The following MBOAT1 variants were observed in gnomAD, a reference collection of about 807,000 sequenced individuals.
MBOAT1 encodes the protein membrane bound glycerophospholipid O-acyltransferase 1.
Under a neutral mutation model 64.4 loss-of-function variants are expected in MBOAT1, and 67 were observed. That is an observed-to-expected ratio of 1.04 (90% confidence interval 0.85 to 1.27). The LOEUF is 1.27. Among genes scored for constraint, MBOAT1 ranks in the 50% most tolerant of loss-of-function variants. The pLI is 0.00. For synonymous variants in MBOAT1, 229 were observed against 218.9 expected (o/e 1.05, Z -0.41); for missense variants, 563 against 604.6 (o/e 0.93, Z 0.72).
chr6:20,206,709 G>A (rs567617750), intron 1 of MBOAT1, among the ~76,000 whole-genome samples: 12 of 152,040 alleles, frequency 7.9e-5, no homozygotes, highest in South Asian at 4.2e-4. Flanking sequence ...CTTCTCCACC[G>A]CAACTCCCCA....
intron 1 of MBOAT1, among the ~76,000 whole-genome samples, chr6:20,198,536 G>A (rs1423708061): frequency 6.6e-6 from 1 of 152,176 alleles, no homozygotes; most frequent in Non-Finnish European, 1.5e-5. Flanking sequence ...CTACCATCTT[G>A]TGACTTTTCT....
chr6:20,144,101 T>C (rs561381184), intron 4 of MBOAT1, 119 bp downstream of exon 4: 2 of 676,456 alleles, frequency 3.0e-6, no homozygotes, highest in Non-Finnish European at 5.3e-6. Context: ...TAGCAGTGTC[T>C]TACCAACTGA....
chr6:20,129,606 G>A (rs1760758833), intron 5 of MBOAT1, among the ~76,000 whole-genome samples: 1 of 151,148 alleles, frequency 6.6e-6, no homozygotes, highest in Non-Finnish European at 1.5e-5. Flanking sequence ...TTTAAGGGAT[G>A]TTCCAGGAAA....
In MBOAT1 at chr6:20,112,892, G is replaced by A. The variant is rs780594212; in HGVS notation, c.1193C>T (p.Thr398Ile). The A allele has an allele frequency of 1.5e-5, 25 of 1,613,804 alleles. No individual in the cohort carries two copies. The highest frequency in any genetic ancestry group is 2.0e-5 in the Non-Finnish European group (24 of 1,179,870). Residue 398 changes from threonine (T) to isoleucine (I), a missense_variant, in exon 11 of 13, where the codon ACA becomes ATA. Physicochemically the swap from Thr to Ile is moderately conservative, Grantham distance 89. Coordinates refer to ENST00000324607, the MANE Select transcript of MBOAT1 (RefSeq NM_001080480.3). ...YFTFLTGILV[T>I]LAARAVRNNY... ...CACACTTACCGCTCTAGCTGCTAAT[G>A]TGACAAGAATTCCAGTTAAGAAGGT...
intron 1 of MBOAT1, among the ~76,000 whole-genome samples, chr6:20,174,421 C>T (rs1040012343): frequency 6.6e-6 from 1 of 152,184 alleles, no homozygotes. Context: ...CTATACTGAA[C>T]ACTGCAGGCA....
chr6:20,125,760 C>A (rs1024151039), intron 7 of MBOAT1: 5 of 323,212 alleles, frequency 1.5e-5, no homozygotes, highest in African/African-American at 8.8e-5. Context: ...AAAACTCATA[C>A]CTAATTAATA....
rs116787772 is a variant in MBOAT1 at position 20,134,467 on chromosome 6, T to G, written c.420-3268A>C. On this transcript the variant is annotated intron_variant, in intron 4 of 12. Coordinates refer to ENST00000324607, the MANE Select transcript of MBOAT1 (RefSeq NM_001080480.3). ...CAATATATTGCTTCCATTTTAAATA[T>G]CTAAAGAAGTTAATTTAAATATTTA... is the stretch of plus-strand genomic sequence containing the variant. Among the ~76,000 whole-genome samples the G allele has an allele frequency of 9.3e-3, 1,419 of 152,140 alleles. 25 individuals carry two copies. The highest frequency in any genetic ancestry group is 0.032 in the African/African-American group (1,332 of 41,494).
chr6:20,121,691 G>A (rs994392422), intron 8 of MBOAT1, among the ~76,000 whole-genome samples: 2 of 152,144 alleles, frequency 1.3e-5, no homozygotes, highest in Non-Finnish European at 2.9e-5. Flanking sequence ...CCAGAAGCTA[G>A]CCCTTAAGCC....
chr6:20,106,900 A>G lies in MBOAT1; in HGVS notation c.1361+2698T>C, dbSNP rs143047503. Among the ~76,000 whole-genome samples, 813 of 152,264 alleles carry G rather than the reference A, an allele frequency of 5.3e-3. 4 individuals carry two copies. The highest frequency in any genetic ancestry group is 9.3e-3 in the Non-Finnish European group (635 of 68,006). On this transcript the variant is annotated intron_variant, in intron 12 of 12. Coordinates refer to ENST00000324607, the MANE Select transcript of MBOAT1 (RefSeq NM_001080480.3). ...GTTTTTAAAAAAATATTCTGGGGTG[A>G]TTTTAAAAAGAAGTGAAAAGCTACT...
chr6:20,139,707 C>T (rs1761114564), intron 4 of MBOAT1, among the ~76,000 whole-genome samples: 2 of 151,700 alleles, frequency 1.3e-5, no homozygotes, highest in South Asian at 4.2e-4. Context: ...GTACACACCA[C>T]CACACCCAGC....
At chr6:20,199,996 G>A (rs1177619454) in intron 1 of MBOAT1, among the ~76,000 whole-genome samples, 2 of 152,166 alleles carry the variant, frequency 1.3e-5, no homozygotes, top group Admixed American at 1.3e-4. Flanking sequence ...GGAATAATGT[G>A]CAGATAAGTT....
intron 1 of MBOAT1, among the ~76,000 whole-genome samples, chr6:20,202,552 A>C (rs1425838299): frequency 6.6e-6 from 1 of 152,184 alleles, no homozygotes; most frequent in Non-Finnish European, 1.5e-5. Context: ...ACTTTAAAAA[A>C]TTAAAAACAG....
At chr6:20,123,860 T>C (rs775007040) in intron 8 of MBOAT1, among the ~76,000 whole-genome samples, 1 of 152,048 alleles carries the variant, frequency 6.6e-6, no homozygotes, top group Non-Finnish European at 1.5e-5. Context: ...ATCGAGACCA[T>C]CCTGGCTAAC....
At chr6:20,111,207 G>A (rs1218666537) in intron 11 of MBOAT1, among the ~76,000 whole-genome samples, 1 of 152,190 alleles carries the variant, frequency 6.6e-6, no homozygotes, top group African/African-American at 2.4e-5. Flanking sequence ...GAGACCCTCA[G>A]TTTCCAGATT....
At chr6:20,142,658 C>T (rs542450249) in intron 4 of MBOAT1, among the ~76,000 whole-genome samples, 2 of 152,270 alleles carry the variant, frequency 1.3e-5, no homozygotes, top group Admixed American at 1.3e-4. Flanking sequence ...CCATGTTGGT[C>T]AGGCTGGTCT....
intron 4 of MBOAT1, among the ~76,000 whole-genome samples, chr6:20,134,249 C>A (rs907529250): frequency 6.6e-6 from 1 of 151,982 alleles, no homozygotes; most frequent in African/African-American, 2.4e-5. Flanking sequence ...AGAACCCAGA[C>A]AAATGCAATA....
intron 1 of MBOAT1, among the ~76,000 whole-genome samples, chr6:20,208,689 T>C (rs569264945): frequency 3.4e-4 from 52 of 151,706 alleles, no homozygotes; most frequent in African/African-American, 1.2e-3. Flanking sequence ...GATGCCAAAT[T>C]AGGGGGAAAA....
rs898490027 is a variant in MBOAT1, at chr6:20,101,833, C to T, written c.*453G>A. Among the ~76,000 whole-genome samples, 2 of 152,084 alleles carry T rather than the reference C, an allele frequency of 1.3e-5. No homozygotes were observed. The highest frequency in any genetic ancestry group is 2.4e-5 in the African/African-American group (1 of 41,418). On this transcript the variant is annotated 3_prime_UTR_variant, in exon 13 of 13. Coordinates refer to ENST00000324607, the MANE Select transcript of MBOAT1 (RefSeq NM_001080480.3). Reference sequence around the variant, plus strand: ...CAAAAAGGCTTTATAAAAATACTCCCGGCCGGGCGCGGTGGCTCACGCCTG... The same window carrying T: ...CAAAAAGGCTTTATAAAAATACTCCTGGCCGGGCGCGGTGGCTCACGCCTG...
chr6:20,166,214 A>AG (rs1762011472), intron 1 of MBOAT1, among the ~76,000 whole-genome samples: 1 of 152,190 alleles, frequency 6.6e-6, no homozygotes, highest in Non-Finnish European at 1.5e-5. Context: ...CAAAAGATGG[A>AG]CATCTTTCCA....
Sources: gnomAD v4.1 joint callset for allele counts (sites outside exome capture counted in the v4.1 genomes callset) on GRCh38, gnomAD v4.1.1 for gene constraint, MANE v1.5 for transcripts, NCBI Gene and HGNC (gene_info 2026-07-23, HGNC 2026-07-21) for gene names.